ATP11C: variants seen among roughly 807,000 people sequenced by gnomAD.
ATP11C encodes the protein phospholipid-transporting ATPase IG.
ATP11C carries 36 observed loss-of-function variants against 97.4 expected under a neutral mutation model. That is an observed-to-expected ratio of 0.37 (90% CI 0.28 to 0.49). The LOEUF is 0.49. ATP11C is among the 20% of genes least tolerant of loss of function. The pLI is 0.98. For synonymous variants in ATP11C, 275 were observed against 290.9 expected, an observed-to-expected ratio of 0.95 and a Z score of 0.56; for missense variants, 730 against 824.6, an observed-to-expected ratio of 0.89 and a Z score of 1.40.
chrX:139,781,619 A>C lies in ATP11C; in HGVS notation c.1952+928T>G, dbSNP rs558880451. ...TTCCAGCTAGCTACCCCGGTGGCTG[A>C]GGTGTGAGAATCACTTGAACCCAGA... On this transcript the variant is annotated intron_variant, in intron 18 of 29. Transcript: ENST00000682941. Among the ~76,000 whole-genome samples the C allele has an allele frequency of 8.0e-5, 9 of 111,943 alleles. No homozygotes were observed. In the South Asian group the frequency reaches 2.2e-3, roughly 28 times the overall value.
chrX:139,772,392 C>T (rs781334259), intron 19 of ATP11C, among the ~76,000 whole-genome samples: 67 of 112,035 alleles, frequency 6.0e-4, no homozygotes, highest in African/African-American at 2.1e-3. Flanking sequence ...GTTGGAGTCC[C>T]CATACAGAGT....
intron 1 of ATP11C, among the ~76,000 whole-genome samples, chrX:139,911,236 CA>C (rs1332892905): frequency 1.8e-5 from 2 of 110,577 alleles, no homozygotes; most frequent in African/African-American, 6.6e-5. Context: ...TAGATAACCA[CA>C]AAGCTTTAGT....
In ATP11C at chrX:139,803,685, C is replaced by CTTTTT. The variant is rs140315105; in HGVS notation, c.555+781_555+785dup. Among the ~76,000 whole-genome samples, 234 of 38,273 alleles carry CTTTTT rather than the reference C, an allele frequency of 6.1e-3. 32 individuals are homozygous for CTTTTT. The highest frequency in any genetic ancestry group is 9.4e-3 in the African/African-American group (90 of 9,556). 33.2% of individuals were successfully genotyped at this position (38,273 alleles called of 115,157 possible). ...AAACATTTTCCAAACTACACCCTAT[C>CTTTTT]TTTTTTTTTTTTTTTTTTTTTTTTT... On this transcript the variant is annotated intron_variant, in intron 6 of 29. Transcript: ENST00000682941.
chrX:139,737,669 T>C lies in ATP11C; in HGVS notation c.3288+247A>G, dbSNP rs928085237. The C allele has an allele frequency of 2.1e-5, 8 of 379,558 alleles. No homozygotes were observed. The Admixed American group carries it at 2.9e-4, about 14-fold the overall frequency. 31.3% of individuals were successfully genotyped at this position (379,558 alleles called of 1,213,427 possible). On this transcript the variant is annotated intron_variant, in intron 28 of 29. Transcript: ENST00000682941. ...TCCTTTTAAAATTCCATATGGAGCA[T>C]ATGAGATACTCCATATGGATTGCCG...
At chrX:139,861,913 T>C (rs1219799739) in intron 1 of ATP11C, among the ~76,000 whole-genome samples, 2 of 111,078 alleles carry the variant, frequency 1.8e-5, no homozygotes, top group African/African-American at 6.6e-5. Flanking sequence ...GACCCTCTCC[T>C]GTCTTCCTTT....
At chrX:139,779,006 A>G (rs1212553690) in intron 18 of ATP11C, among the ~76,000 whole-genome samples, 2 of 112,106 alleles carry the variant, frequency 1.8e-5, no homozygotes, top group Non-Finnish European at 3.8e-5. Context: ...CGGGAATTAC[A>G]TAATGAAAAG....
chrX:139,832,429 T>C, intron 1 of ATP11C: 2 of 563,060 alleles, frequency 3.6e-6, no homozygotes, highest in Non-Finnish European at 5.1e-6. Context: ...AGCCCCATTA[T>C]TGCACCATTT....
At chrX:139,918,962 C>T (rs943461537) in intron 1 of ATP11C, among the ~76,000 whole-genome samples, 5 of 111,734 alleles carry the variant, frequency 4.5e-5, no homozygotes, top group East Asian at 2.8e-4. Context: ...AGTTATTGGC[C>T]GGGTGCTGTG....
intron 1 of ATP11C, among the ~76,000 whole-genome samples, chrX:139,888,473 T>C (rs950775259): frequency 2.7e-5 from 3 of 111,338 alleles, no homozygotes; most frequent in Non-Finnish European, 3.8e-5. Flanking sequence ...ATCAAAAAAA[T>C]GTTAAGACAC....
chrX:139,913,677 T>A (rs1229798668), intron 1 of ATP11C, among the ~76,000 whole-genome samples: 1 of 110,817 alleles, frequency 9.0e-6, no homozygotes, highest in African/African-American at 3.3e-5. Context: ...AACAACCCCC[T>A]TTGACTGTAA....
intron 1 of ATP11C, among the ~76,000 whole-genome samples, chrX:139,901,407 T>C (rs959818731): frequency 5.4e-5 from 6 of 111,685 alleles, no homozygotes; most frequent in Admixed American, 9.5e-5. Context: ...ACATGTTCCT[T>C]TTGCACCCTC....
chrX:139,806,463 G>C (rs1016938954), intron 5 of ATP11C, among the ~76,000 whole-genome samples: 2 of 112,053 alleles, frequency 1.8e-5, no homozygotes, highest in African/African-American at 6.5e-5. Context: ...GAATTTCAAA[G>C]GGTAACAAGT....
chrX:139,770,417 C>T (rs1040155828), intron 19 of ATP11C, among the ~76,000 whole-genome samples: 1 of 112,045 alleles, frequency 8.9e-6, no homozygotes, highest in African/African-American at 3.2e-5. Flanking sequence ...GGGTGCACTG[C>T]AAAAGCAGGT....
chrX:139,778,333 G>T lies in ATP11C; in HGVS notation c.1953-3380C>A, dbSNP rs138332223. On this transcript the variant is annotated intron_variant, in intron 18 of 29. Coordinates refer to ENST00000682941, the MANE Select transcript of ATP11C (RefSeq NM_001353812.2). The stretch of plus-strand genomic sequence containing the variant: ...AGGAGCTCTAAACACAGAAACAAAC[G>T]GATGATATTTGCTACTATAAAAGCA... 3.7e-3 allele frequency among the ~76,000 whole-genome samples: 411 copies of T among 111,508 alleles called. 2 individuals are homozygous for T. The highest frequency in any genetic ancestry group is 0.012 in the African/African-American group (381 of 30,631).
intron 1 of ATP11C, among the ~76,000 whole-genome samples, chrX:139,879,874 T>C (rs969618946): frequency 3.6e-5 from 4 of 111,174 alleles, no homozygotes; most frequent in Non-Finnish European, 1.9e-5. Context: ...GTCAGGATAA[T>C]GGTTATTTCA....
chrX:139,890,191 G>A (rs1569486498), intron 1 of ATP11C, among the ~76,000 whole-genome samples: 1 of 110,996 alleles, frequency 9.0e-6, no homozygotes, highest in Non-Finnish European at 1.9e-5. Flanking sequence ...TTATCCAGTA[G>A]TGGATAAGCC....
chrX:139,813,330 T>C (rs2083216992), intron 5 of ATP11C, among the ~76,000 whole-genome samples: 1 of 112,131 alleles, frequency 8.9e-6, no homozygotes, highest in Non-Finnish European at 1.9e-5. Flanking sequence ...TTGGTGAGAA[T>C]GCAAAATGAT....
chrX:139,748,543 G>A (rs1292760096), intron 24 of ATP11C, among the ~76,000 whole-genome samples: 1 of 111,673 alleles, frequency 9.0e-6, no homozygotes, highest in East Asian at 2.8e-4. Flanking sequence ...TTTTGCATCT[G>A]GTTGTACCCT....
At chrX:139,919,317 C>G (rs1385122049) in intron 1 of ATP11C, among the ~76,000 whole-genome samples, 4 of 108,732 alleles carry the variant, frequency 3.7e-5, no homozygotes, top group African/African-American at 1.3e-4. Context: ...ACTAAAAATA[C>G]AAAAATTAGC....
Sources: gnomAD v4.1 joint callset for allele counts (sites outside exome capture counted in the v4.1 genomes callset) on GRCh38, gnomAD v4.1.1 for gene constraint, MANE v1.5 for transcripts, NCBI Gene and HGNC (gene_info 2026-07-23, HGNC 2026-07-21) for gene names.